The following TBC1D30 variants were observed in gnomAD, a reference collection of about 807,000 sequenced individuals.
TBC1D30 encodes the protein TBC1 domain family member 30.
In TBC1D30, 31 loss-of-function variants were observed where a neutral mutation model predicts 63.2. The ratio of observed to expected loss-of-function variants is 0.49; its 90% CI spans 0.37 to 0.66. The LOEUF is 0.66. TBC1D30 is among the 30% of genes least tolerant of loss of function. TBC1D30 has a pLI of 0.00. For synonymous variants in TBC1D30, 307 were observed against 361.5 expected, an observed-to-expected ratio of 0.85 and a Z score of 1.71; for missense variants, 810 against 953.6, an observed-to-expected ratio of 0.85 and a Z score of 1.98.
intron 2 of TBC1D30, among the ~76,000 whole-genome samples, chr12:64,802,341 C>T (rs1221697648): frequency 2.6e-5 from 4 of 152,060 alleles, no homozygotes; most frequent in Admixed American, 2.6e-4. Context: ...CCCTCGAGCT[C>T]TGGGTGGAGA....
chr12:64,768,743 AT>A (rs896412323), intron 1 of TBC1D30, among the ~76,000 whole-genome samples: 1 of 152,214 alleles, frequency 6.6e-6, no homozygotes, highest in African/African-American at 2.4e-5. Flanking sequence ...GATTGCAAAT[AT>A]TTTTTGATAA....
chr12:64,777,958 C>T (rs530727150), upstream of TBC1D30, among the ~76,000 whole-genome samples: 4 of 152,250 alleles, frequency 2.6e-5, no homozygotes, highest in South Asian at 2.1e-4. Flanking sequence ...GATGGGGTTT[C>T]GCCATGTTGG....
chr12:64,834,865 A>G (rs1019436685), intron 5 of TBC1D30, among the ~76,000 whole-genome samples: 3 of 149,168 alleles, frequency 2.0e-5, no homozygotes, highest in Admixed American at 1.3e-4. Flanking sequence ...TAATTGAAGA[A>G]TTTTTTTTTT....
At chr12:64,833,003 T>C (rs926010094) in intron 5 of TBC1D30, among the ~76,000 whole-genome samples, 10 of 152,150 alleles carry the variant, frequency 6.6e-5, no homozygotes, top group African/African-American at 2.4e-4. Flanking sequence ...TTCTGTTCTT[T>C]AGAAGCCAGT....
rs1313660861 is a variant in TBC1D30 at position 64,781,010 on chromosome 12, G to GGCGAGGCGTGCGGCGGCCGC, written c.203_222dup (p.Thr75AlafsTer15). On this transcript the variant is annotated frameshift_variant, in exon 1 of 13. Transcript: ENST00000542120. LOFTEE classifies it high-confidence loss of function. ...GGACGGCGATGAGGACACGGAGCCC[G>GGCGAGGCGTGCGGCGGCCGC]GCGAGGCGTGCGGCGGCCGCACAAG... 3.9e-5 allele frequency: 40 copies of GGCGAGGCGTGCGGCGGCCGC among 1,037,510 alleles called. No individual in the cohort carries two copies. The highest frequency in any genetic ancestry group is 4.7e-5 in the Non-Finnish European group (40 of 859,404). 64.3% of individuals were successfully genotyped at this position (1,037,510 alleles called of 1,614,324 possible).
chr12:64,799,344 G>A (rs891304603), intron 2 of TBC1D30, among the ~76,000 whole-genome samples: 1 of 152,138 alleles, frequency 6.6e-6, no homozygotes, highest in African/African-American at 2.4e-5. Flanking sequence ...TCATAGGATG[G>A]TTATGTGAAT....
At chr12:64,864,471 C>T (rs1878047532) in intron 8 of TBC1D30, among the ~76,000 whole-genome samples, 197 bp from the exon 9 acceptor site, 1 of 152,156 alleles carries the variant, frequency 6.6e-6, no homozygotes, top group African/African-American at 2.4e-5. Context: ...ATTTGAGAGC[C>T]CACTGGGTCG....
chr12:64,845,541 A>G (rs889267649), intron 8 of TBC1D30, among the ~76,000 whole-genome samples: 2 of 152,004 alleles, frequency 1.3e-5, no homozygotes, highest in African/African-American at 4.8e-5. Context: ...CCTGACTAAC[A>G]CGGTGAAACC....
upstream of TBC1D30, among the ~76,000 whole-genome samples, chr12:64,778,447 A>G (rs1352644201): frequency 4.7e-5 from 7 of 149,822 alleles, no homozygotes; most frequent in Admixed American, 2.7e-4. Flanking sequence ...GGAAGAGGGT[A>G]TTATGGGAAA....
At chr12:64,810,602 C>CA (rs1452037087) in intron 2 of TBC1D30, among the ~76,000 whole-genome samples, 2 of 150,574 alleles carry the variant, frequency 1.3e-5, no homozygotes, top group Non-Finnish European at 3.0e-5. Context: ...GACTCCGTCT[C>CA]AAAAAACAAA....
intron 2 of TBC1D30, chr12:64,818,440 ATT>A (rs869243652): frequency 5.5e-4 from 445 of 804,448 alleles, no homozygotes; most frequent in Middle Eastern, 6.4e-4. Flanking sequence ...ACTGTAAACT[ATT>A]TTTTTTTTTT....
At chr12:64,855,269 C>T (rs1877204676) in intron 8 of TBC1D30, among the ~76,000 whole-genome samples, 1 of 151,822 alleles carries the variant, frequency 6.6e-6, no homozygotes, top group Non-Finnish European at 1.5e-5. Context: ...TTACCCTTGA[C>T]CTTTGAGAGT....
At chr12:64,772,282 T>C (rs927426525) in intron 1 of TBC1D30, among the ~76,000 whole-genome samples, 10 of 146,428 alleles carry the variant, frequency 6.8e-5, no homozygotes, top group Admixed American at 2.7e-4. Context: ...AGTATGAAGA[T>C]CTTTGTATCA....
At chr12:64,861,761 TATTATTA>T (rs1877810894) in intron 8 of TBC1D30, among the ~76,000 whole-genome samples, 2 of 152,184 alleles carry the variant, frequency 1.3e-5, no homozygotes, top group Admixed American at 1.3e-4. Flanking sequence ...GTTAAGATGC[TATTATTA>T]GGGTTTATAG....
At chr12:64,788,935 A>C (rs1871754193) in intron 2 of TBC1D30, among the ~76,000 whole-genome samples, 1 of 152,172 alleles carries the variant, frequency 6.6e-6, no homozygotes, top group Non-Finnish European at 1.5e-5. Flanking sequence ...CAGAGGTTAG[A>C]TATTTCATGA....
rs1361076207 is a variant in TBC1D30 at position 64,830,364 on chromosome 12, T to C, written c.283-13T>C. ...CTACTTTGGCATTCTCCTTTGTCTA[T>C]GTAATATTTTAGGTTTGGTTGACCT... On this transcript the variant is annotated splice_polypyrimidine_tract_variant and intron_variant, in intron 3 of 11. Coordinates refer to ENST00000539867, the MANE Select transcript of TBC1D30 (RefSeq NM_015279.2). 6 of 1,516,686 alleles carry C rather than the reference T, an allele frequency of 4.0e-6. No homozygotes were observed. The highest frequency in any genetic ancestry group is 5.3e-6 in the Non-Finnish European group (6 of 1,132,134). The allele number at this position is 1,516,686 out of a possible 1,614,324, so 94.0% of individuals were successfully genotyped here.
At chr12:64,779,040 A>G (rs558323121), upstream of TBC1D30, 12 of 152,210 alleles carry the variant, frequency 7.9e-5, no homozygotes, top group South Asian at 4.1e-4. Context: ...TCAATAACCT[A>G]TTGTTTTCTT....
intron 8 of TBC1D30, among the ~76,000 whole-genome samples, chr12:64,864,228 A>G (rs1878027656): frequency 6.6e-6 from 1 of 152,184 alleles, no homozygotes; most frequent in Admixed American, 6.5e-5. Flanking sequence ...CATCCACTAG[A>G]TTTAATTTTA....
chr12:64,830,280 C>A, intron 3 of TBC1D30, 97 bp from the exon 4 acceptor site: 2 of 1,236,164 alleles, frequency 1.6e-6, no homozygotes, highest in South Asian at 3.4e-5. Context: ...TCTAGGGACA[C>A]TTCCCATTTT....
Sources: allele counts gnomAD v4.1 joint callset (sites outside exome capture counted in the v4.1 genomes callset), GRCh38; gene constraint gnomAD v4.1.1; transcripts MANE v1.5; gene names NCBI Gene and HGNC (gene_info 2026-07-23, HGNC 2026-07-21).